The following MCF2L2 variants were observed in gnomAD, a reference collection of about 807,000 sequenced individuals.
The protein encoded by MCF2L2 is probable guanine nucleotide exchange factor MCF2L2.
Under a neutral mutation model 150.2 loss-of-function variants are expected in MCF2L2, and 102 were observed. The ratio of observed to expected loss-of-function variants is 0.68; its 90% CI spans 0.58 to 0.80. The LOEUF is 0.80. Ranked by LOEUF, MCF2L2 falls within the 30% of genes least tolerant of loss-of-function variation. The pLI is 0.00. For synonymous variants in MCF2L2, 465 were observed against 491.3 expected (o/e 0.95, Z 0.71); for missense variants, 1,256 against 1,372.8 (o/e 0.91, Z 1.34).
chr3:183,180,026 A>T, intron 28 of MCF2L2, 45 bp downstream of exon 28: 1 of 1,440,216 alleles, frequency 6.9e-7, no homozygotes, highest in Non-Finnish European at 9.8e-7. Flanking sequence ...GCTGATGAAT[A>T]GGAAGGAGGG....
At chr3:183,278,737 G>A (rs1201472783) in intron 14 of MCF2L2, among the ~76,000 whole-genome samples, 1 of 152,212 alleles carries the variant, frequency 6.6e-6, no homozygotes, top group Non-Finnish European at 1.5e-5. Flanking sequence ...TCTATTGTAT[G>A]CAGGGTGGAT....
Position 183,178,626 on chromosome 3 carries a change from TTAAA to T in MCF2L2, c.*750_*753del, listed in dbSNP as rs1257691314. 19 of 150,182 alleles carry T rather than the reference TTAAA, an allele frequency of 1.3e-4. No individual in the cohort carries two copies. Among genetic ancestry groups the T allele is most frequent in the Non-Finnish European group, 2.8e-4 (19 of 67,978 alleles). 9.3% of individuals were successfully genotyped at this position (150,182 alleles called of 1,614,324 possible). A position where few individuals can be genotyped will look rare whatever the true frequency, so the allele number is the denominator to read the frequency against. ...TAAACCAGTAACTGAAACTATAAAA[TTAAA>T]TAACCAGAAAGCTACAAAGAAATGA... On this transcript the variant is annotated 3_prime_UTR_variant, in exon 30 of 30. Coordinates refer to ENST00000328913, the MANE Select transcript of MCF2L2 (RefSeq NM_015078.4).
At chr3:183,279,497 G>GT in intron 14 of MCF2L2, among the ~76,000 whole-genome samples, 1 of 152,242 alleles carries the variant, frequency 6.6e-6, no homozygotes, top group Non-Finnish European at 1.5e-5. Flanking sequence ...AGCAACAATC[G>GT]TTTCTTGTGA....
chr3:183,359,578 T>C (rs1234836118), intron 3 of MCF2L2, among the ~76,000 whole-genome samples: 1 of 152,230 alleles, frequency 6.6e-6, no homozygotes, highest in Non-Finnish European at 1.5e-5. Context: ...ATGTCATGTA[T>C]TTTCCCCCAA....
intron 5 of MCF2L2, among the ~76,000 whole-genome samples, chr3:183,331,618 T>C (rs1041819127): frequency 1.3e-5 from 2 of 152,350 alleles, no homozygotes. Context: ...TCCACGATCA[T>C]AGCCTCTTCA....
At chr3:183,189,798 A>G (rs939236095) in intron 27 of MCF2L2, among the ~76,000 whole-genome samples, 8 of 152,196 alleles carry the variant, frequency 5.3e-5, no homozygotes, top group African/African-American at 1.9e-4. Context: ...GAAGTAGGCC[A>G]CTGCTGCCAG....
At chr3:183,200,505 T>G (rs1722239412) in intron 25 of MCF2L2, among the ~76,000 whole-genome samples, 1 of 152,252 alleles carries the variant, frequency 6.6e-6, no homozygotes. Flanking sequence ...TTAAGTTCTT[T>G]GTAGATTCTG....
chr3:183,179,478 GCTC>G lies in MCF2L2; in HGVS notation c.3244_3246del (p.Glu1082del), dbSNP rs1721436814. ...AGCCGGCCCGTGGACGCCCCAGCGC[GCTC>G]CTCCTCGGTGCTGCGGGTCGCCCTG... On this transcript the variant is annotated inframe_deletion, in exon 30 of 30. Coordinates refer to ENST00000328913, the MANE Select transcript of MCF2L2 (RefSeq NM_015078.4). The surrounding 1 kb of genome is among the most constrained non-coding windows in gnomAD (Gnocchi z 4.2). The G allele has an allele frequency of 6.2e-6, 10 of 1,604,810 alleles. No homozygotes were observed. The highest frequency in any genetic ancestry group is 7.7e-6 in the Non-Finnish European group (9 of 1,175,132).
chr3:183,297,219 C>G, intron 11 of MCF2L2, 52 bp from the exon 12 acceptor site: 2 of 1,470,578 alleles, frequency 1.4e-6, no homozygotes, highest in Non-Finnish European at 1.9e-6. Flanking sequence ...CAACTCAGAG[C>G]CACCGTAATC....
In MCF2L2 at chr3:183,206,205, G is replaced by A; in HGVS notation, c.2722C>T (p.Leu908Phe). Residue 908 changes from leucine to phenylalanine, a missense_variant, in exon 24 of 30, where the codon CTT becomes TTT. Leu to Phe is a conservative substitution (Grantham distance 22). Transcript: ENST00000328913. ...SFKKTMKLMT[L>F]SIRQLGRGSH... Reference sequence around the variant, plus strand: ...CCCCTTCCAAGCTGGCGAATTGAAAGTGTCATCAGCTATTATAAAGAGGGA... The same window carrying A: ...CCCCTTCCAAGCTGGCGAATTGAAAATGTCATCAGCTATTATAAAGAGGGA... 6.2e-7 allele frequency: 1 copy of A among 1,613,300 alleles called. No individual in the cohort carries two copies. Among genetic ancestry groups the A allele is most frequent in the African/African-American group, 1.3e-5 (1 of 75,034 alleles).
intron 14 of MCF2L2, among the ~76,000 whole-genome samples, chr3:183,280,899 T>C (rs1727436814): frequency 6.7e-6 from 1 of 150,202 alleles, no homozygotes; most frequent in South Asian, 2.1e-4. Context: ...CAAGGGTATC[T>C]GGTAATTTAA....
At chr3:183,298,884 A>T (rs1728695740) in intron 11 of MCF2L2, 1 of 152,172 alleles carries the variant, frequency 6.6e-6, no homozygotes, top group Non-Finnish European at 1.5e-5. Context: ...GCTGCACACC[A>T]GCCCCTTCGG....
chr3:183,361,077 G>GAAGAGAAGACAAGAC (rs1560040294), intron 3 of MCF2L2, among the ~76,000 whole-genome samples: 5 of 100,424 alleles, frequency 5.0e-5, no homozygotes, highest in African/African-American at 3.5e-4. Flanking sequence ...AGACAGAAGA[G>GAAGAGAAGACAAGAC]AAGACAAGAC....
chr3:183,273,054 G>C (rs1332397630), intron 15 of MCF2L2: 1 of 1,487,092 alleles, frequency 6.7e-7, no homozygotes, highest in Non-Finnish European at 8.9e-7. Flanking sequence ...TTAAAGTACT[G>C]AGAAGAGTAT....
chr3:183,324,283 G>A (rs1396364862), intron 5 of MCF2L2, among the ~76,000 whole-genome samples: 2 of 152,150 alleles, frequency 1.3e-5, no homozygotes, highest in Non-Finnish European at 2.9e-5. Context: ...GGAAGCTGAC[G>A]CATCCCCAAT....
At chr3:183,184,949 G>A (rs1243334296) in intron 27 of MCF2L2, among the ~76,000 whole-genome samples, 1 of 148,482 alleles carries the variant, frequency 6.7e-6, no homozygotes, top group Non-Finnish European at 1.5e-5. Flanking sequence ...ACGGAGTCTC[G>A]CTCTATTGCC....
intron 25 of MCF2L2, among the ~76,000 whole-genome samples, chr3:183,202,351 G>A (rs1307452820): frequency 6.6e-6 from 1 of 152,188 alleles, no homozygotes; most frequent in Admixed American, 6.5e-5. Context: ...GGTTTAAAAT[G>A]AAATGCTCAG....
At chr3:183,244,281 A>T (rs1350986400) in intron 15 of MCF2L2, among the ~76,000 whole-genome samples, 1 of 151,698 alleles carries the variant, frequency 6.6e-6, no homozygotes, top group East Asian at 1.9e-4. Flanking sequence ...GCCCTGGAAC[A>T]TCAGACTCCA....
At chr3:183,302,999 C>T (rs1193523425) in intron 10 of MCF2L2, among the ~76,000 whole-genome samples, 1 of 152,018 alleles carries the variant, frequency 6.6e-6, no homozygotes, top group Non-Finnish European at 1.5e-5. Flanking sequence ...TCGAGACCAT[C>T]CTGGCTAACA....
Sources: gnomAD v4.1 joint callset for allele counts (sites outside exome capture counted in the v4.1 genomes callset) on GRCh38, gnomAD v4.1.1 for gene constraint, Gnocchi (gnomAD v3.1) non-coding constraint, MANE v1.5 for transcripts, NCBI Gene and HGNC (gene_info 2026-07-23, HGNC 2026-07-21) for gene names.